The following UTRN variants were observed in gnomAD, a reference collection of about 807,000 sequenced individuals.
UTRN encodes dystrophin-related protein 1.
Under a neutral mutation model 463.9 loss-of-function variants are expected in UTRN, and 283 were observed. That is an observed-to-expected ratio of 0.61 (90% CI 0.55 to 0.67). The LOEUF is 0.67. Among genes scored for constraint, UTRN ranks in the 30% least tolerant of loss-of-function variants. The pLI, the probability that UTRN is intolerant of heterozygous loss-of-function variation, is 0.00. For missense variants in UTRN, 3,922 were observed against 4,084.3 expected, an observed-to-expected ratio of 0.96 and a Z score of 1.08; for synonymous variants, 1,442 against 1,431.5, an observed-to-expected ratio of 1.01 and a Z score of -0.17.
intron 66 of UTRN, among the ~76,000 whole-genome samples, chr6:144,822,414 C>T (rs1779681105): frequency 6.6e-6 from 1 of 152,012 alleles, no homozygotes. Flanking sequence ...ATAACACATA[C>T]ACATACAAAA....
At chr6:144,728,084 G>A (rs184307089) in intron 53 of UTRN, among the ~76,000 whole-genome samples, 187 of 132,010 alleles carry the variant, frequency 1.4e-3, no homozygotes, top group Non-Finnish European at 1.8e-3. Context: ...CTGGGTGACA[G>A]AGTAAGACTC....
intron 52 of UTRN, among the ~76,000 whole-genome samples, chr6:144,681,099 G>A (rs1380633832): frequency 1.3e-5 from 2 of 152,094 alleles, no homozygotes; most frequent in African/African-American, 2.4e-5. Flanking sequence ...AGACACTTTC[G>A]GCATCTAGGA....
In UTRN at chr6:144,840,830, G is replaced by A. The variant is rs1781508216; in HGVS notation, c.10268G>A (p.Cys3423Tyr). The A allele has an allele frequency of 3.1e-6, 5 of 1,613,916 alleles. No individual in the cohort carries two copies. Among genetic ancestry groups the A allele is most frequent in the Non-Finnish European group, 4.2e-6 (5 of 1,179,966 alleles). Reference sequence around the variant, plus strand: ...ATTCACAGCACGTTTCCATCTTGCTGCCGTGAGTATGAAAGATTGCAGCAC... The same window carrying A: ...ATTCACAGCACGTTTCCATCTTGCTACCGTGAGTATGAAAGATTGCAGCAC... ...EQIHSTFPSC[C>Y]PNVPSRPQAM Residue 3423 changes from cysteine (C) to tyrosine (Y), a missense_variant and splice_region_variant, in exon 73 of 75, where the codon TGC becomes TAC. Cys to Tyr is a radical substitution (Grantham distance 194). Coordinates refer to ENST00000367545, the MANE Select transcript of UTRN (RefSeq NM_007124.3).
At chr6:144,836,577 G>A (rs775993531) in intron 71 of UTRN, 36 bp downstream of exon 71, 14 of 1,608,976 alleles carry the variant, frequency 8.7e-6, no homozygotes, top group African/African-American at 1.3e-5. Flanking sequence ...CACCTCCCCA[G>A]GCCATCTGTC....
intron 42 of UTRN, 113 bp from the exon 43 acceptor site, chr6:144,532,972 C>T (rs1797197376): frequency 3.9e-6 from 2 of 515,378 alleles, no homozygotes; most frequent in South Asian, 8.3e-5. Flanking sequence ...AATATCTTTC[C>T]AGGAGTTTGT....
intron 13 of UTRN, among the ~76,000 whole-genome samples, chr6:144,442,090 C>T (rs532132946): frequency 1.1e-4 from 17 of 152,266 alleles, no homozygotes; most frequent in African/African-American, 2.9e-4. Flanking sequence ...AGATGTTTTC[C>T]GCATTGTCTT....
intron 69 of UTRN, among the ~76,000 whole-genome samples, chr6:144,835,308 G>A (rs1781010065): frequency 6.6e-6 from 1 of 152,172 alleles, no homozygotes; most frequent in African/African-American, 2.4e-5. Flanking sequence ...TTTGTGCTGA[G>A]CTATTTAAAT....
At chr6:144,397,750 A>G (rs1266710282) in intron 2 of UTRN, among the ~76,000 whole-genome samples, 1 of 152,084 alleles carries the variant, frequency 6.6e-6, no homozygotes, top group South Asian at 2.1e-4. Context: ...TATATTTTAA[A>G]GCCTTCTTTC....
At chr6:144,473,925 A>G (rs1366207085) in intron 24 of UTRN, 92 bp downstream of exon 24, 1 of 813,812 alleles carries the variant, frequency 1.2e-6, no homozygotes, top group East Asian at 2.7e-5. Flanking sequence ...GTGAGAATAT[A>G]GCATAGCATT....
chr6:144,542,744 C>A, intron 45 of UTRN, 51 bp from the exon 46 acceptor site: 1 of 1,557,110 alleles, frequency 6.4e-7, no homozygotes, highest in South Asian at 1.2e-5. Context: ...GAACTACAGT[C>A]ATCTTTATTT....
intron 65 of UTRN, among the ~76,000 whole-genome samples, chr6:144,807,268 C>T (rs1324526612): frequency 6.6e-6 from 1 of 152,028 alleles, no homozygotes; most frequent in Non-Finnish European, 1.5e-5. Context: ...CCACAAAGCA[C>T]CCTAAATATT....
intron 2 of UTRN, among the ~76,000 whole-genome samples, chr6:144,326,334 T>A (rs1311019618): frequency 6.6e-6 from 1 of 152,078 alleles, no homozygotes; most frequent in Admixed American, 6.6e-5. Flanking sequence ...CCCTCTTTTC[T>A]CAGCACCAAA....
chr6:144,546,010 C>G (rs569843177), intron 46 of UTRN, among the ~76,000 whole-genome samples: 3 of 152,304 alleles, frequency 2.0e-5, no homozygotes, highest in African/African-American at 7.2e-5. Context: ...TTGTCTTGCA[C>G]ACTCTCATGC....
intron 50 of UTRN, among the ~76,000 whole-genome samples, chr6:144,562,965 C>G (rs906962150): frequency 2.6e-5 from 4 of 152,122 alleles, no homozygotes; most frequent in Admixed American, 2.6e-4. Context: ...TAGTGTTGAG[C>G]TTTTTTTCAT....
intron 58 of UTRN, among the ~76,000 whole-genome samples, chr6:144,761,751 G>C (rs926745660): frequency 6.6e-6 from 1 of 152,112 alleles, no homozygotes; most frequent in Non-Finnish European, 1.5e-5. Flanking sequence ...ATAAAAGCCA[G>C]ATATCTCTCA....
At chr6:144,604,627 A>G (rs891631561) in intron 51 of UTRN, among the ~76,000 whole-genome samples, 1 of 152,246 alleles carries the variant, frequency 6.6e-6, no homozygotes, top group African/African-American at 2.4e-5. Context: ...TTGATAGCAT[A>G]AAAAGGCCAG....
At chr6:144,785,960 G>GT (rs948383566) in intron 61 of UTRN, among the ~76,000 whole-genome samples, 4 of 152,166 alleles carry the variant, frequency 2.6e-5, no homozygotes, top group Non-Finnish European at 5.9e-5. Context: ...GTTTAAATGT[G>GT]TTTTTTTCTA....
At chr6:144,516,414 T>C in intron 38 of UTRN, 27 bp downstream of exon 38, 1 of 1,591,480 alleles carries the variant, frequency 6.3e-7, no homozygotes, top group Non-Finnish European at 8.5e-7. Flanking sequence ...TTCAAAACCA[T>C]GGTGGTCTCA....
chr6:144,455,343 C>G (rs1788713552), intron 19 of UTRN, among the ~76,000 whole-genome samples: 1 of 152,192 alleles, frequency 6.6e-6, no homozygotes, highest in Non-Finnish European at 1.5e-5. Context: ...GGAGGTTACT[C>G]TTTCCAGTAT....
Sources: allele counts gnomAD v4.1 joint callset (sites outside exome capture counted in the v4.1 genomes callset), GRCh38; gene constraint gnomAD v4.1.1; transcripts MANE v1.5; gene names NCBI Gene and HGNC (gene_info 2026-07-23, HGNC 2026-07-21).